The following SPAG16 variants were observed in gnomAD, a reference collection of about 807,000 sequenced individuals.
SPAG16 encodes the protein sperm-associated antigen 16 protein.
A neutral mutation model predicts 80.4 loss-of-function variants in SPAG16; 86 were observed. That is an observed-to-expected ratio of 1.07 (90% CI 0.90 to 1.28). The LOEUF is 1.28. Ranked by LOEUF, SPAG16 falls within the 50% of genes most tolerant of loss-of-function variation. The pLI is 0.00. For synonymous variants in SPAG16, 294 were observed against 265.9 expected (o/e 1.11, Z -1.03); for missense variants, 870 against 765.3 (o/e 1.14, Z -1.61).
intron 9 of SPAG16, chr2:213,422,556 A>T (rs574543870): frequency 6.4e-5 from 28 of 434,138 alleles, no homozygotes; most frequent in African/African-American, 3.8e-4. Flanking sequence ...AGCAGGCCCA[A>T]GCAAAACTTG....
chr2:214,191,546 C>G (rs1576459612), intron 15 of SPAG16, among the ~76,000 whole-genome samples: 1 of 151,044 alleles, frequency 6.6e-6, no homozygotes, highest in African/African-American at 2.4e-5. Context: ...AAGCCCATCT[C>G]CACTAAAAAT....
chr2:214,073,712 G>A (rs755428837), intron 13 of SPAG16, among the ~76,000 whole-genome samples: 22 of 152,028 alleles, frequency 1.4e-4, no homozygotes, highest in Non-Finnish European at 2.8e-4. Context: ...AATTCTTATG[G>A]CAATACAAAG....
chr2:213,775,797 A>G (rs1475105333), intron 10 of SPAG16, among the ~76,000 whole-genome samples: 2 of 152,204 alleles, frequency 1.3e-5, no homozygotes, highest in African/African-American at 4.8e-5. Context: ...AGGTCTTTTC[A>G]TAATTATCCT....
chr2:213,632,974 T>C (rs994072755), intron 10 of SPAG16, among the ~76,000 whole-genome samples: 4 of 152,214 alleles, frequency 2.6e-5, no homozygotes, highest in Non-Finnish European at 4.4e-5. Context: ...ATCAGGCTAA[T>C]ACTGGCCTTG....
intron 11 of SPAG16, among the ~76,000 whole-genome samples, chr2:213,913,773 C>A (rs2077816705): frequency 6.6e-6 from 1 of 152,034 alleles, no homozygotes; most frequent in Non-Finnish European, 1.5e-5. Flanking sequence ...CTCTCTTTGG[C>A]TCACATGATT....
chr2:214,131,637 T>A (rs1005444814), intron 14 of SPAG16, among the ~76,000 whole-genome samples: 19 of 143,494 alleles, frequency 1.3e-4, no homozygotes, highest in Admixed American at 2.8e-4. Context: ...AAAAAAAAAA[T>A]GAACTATTAA....
chr2:213,476,693 C>G (rs1055052410), intron 9 of SPAG16, among the ~76,000 whole-genome samples: 1 of 152,122 alleles, frequency 6.6e-6, no homozygotes, highest in Non-Finnish European at 1.5e-5. Flanking sequence ...AGGAGTGGCA[C>G]CCAGTGGCTT....
rs560958355 is a variant in SPAG16 at position 213,801,770 on chromosome 2, G to T, written c.1071-60715G>T. ...TATGGTCATAAGCCACTGAATTTAC[G>T]TGTCAATATGAGAAGGGATGAAAGT... On this transcript the variant is annotated intron_variant, in intron 10 of 15. Coordinates refer to ENST00000331683, the MANE Select transcript of SPAG16 (RefSeq NM_024532.5). Among the ~76,000 whole-genome samples, 7 of 152,258 alleles carry T rather than the reference G, an allele frequency of 4.6e-5. No individual in the cohort carries two copies. In the East Asian group the frequency reaches 1.2e-3, roughly 25 times the overall value.
chr2:214,017,151 G>C (rs554049443), intron 13 of SPAG16, among the ~76,000 whole-genome samples: 1 of 152,098 alleles, frequency 6.6e-6, no homozygotes, highest in African/African-American at 2.4e-5. Context: ...CAGAAGTCAA[G>C]GGGGCATTGT....
chr2:214,341,840 C>A (rs1213916123), intron 15 of SPAG16, among the ~76,000 whole-genome samples: 1 of 152,150 alleles, frequency 6.6e-6, no homozygotes, highest in East Asian at 1.9e-4. Context: ...ACAACTGACT[C>A]ATTCCAGGAT....
Position 213,976,107 on chromosome 2 carries a change from G to GATATATAT in SPAG16, c.1401-37843_1401-37842insTATATATA, listed in dbSNP as rs1491193427. Among the ~76,000 whole-genome samples, 116 of 86,244 alleles carry GATATATAT rather than the reference G, an allele frequency of 1.3e-3. 2 individuals carry two copies. The highest frequency in any genetic ancestry group is 6.1e-3 in the African/African-American group (113 of 18,468). The allele number at this position is 86,244 out of a possible 152,430, so 56.6% of individuals were successfully genotyped here. A position where few individuals can be genotyped will look rare whatever the true frequency, so the allele number is the denominator to read the frequency against. ...GAGTGAGTGATCTAAGACAGTGAGG[G>GATATATAT]AGATATATATATATATATATATATA... On this transcript the variant is annotated intron_variant, in intron 12 of 15. Coordinates refer to ENST00000331683, the MANE Select transcript of SPAG16 (RefSeq NM_024532.5).
intron 14 of SPAG16, among the ~76,000 whole-genome samples, chr2:214,140,340 A>C (rs2055286199): frequency 6.6e-6 from 1 of 151,928 alleles, no homozygotes; most frequent in African/African-American, 2.4e-5. Context: ...CATCGTCATA[A>C]AATGTGGCCT....
At chr2:213,389,322 T>C (rs567168258) in intron 9 of SPAG16, among the ~76,000 whole-genome samples, 1 of 151,962 alleles carries the variant, frequency 6.6e-6, no homozygotes, top group Admixed American at 6.5e-5. Context: ...CAGAAGAAAA[T>C]ATAGGACAAA....
intron 13 of SPAG16, among the ~76,000 whole-genome samples, chr2:214,017,173 A>G (rs1466140038): frequency 6.6e-6 from 1 of 152,148 alleles, no homozygotes; most frequent in East Asian, 1.9e-4. Flanking sequence ...GAAAGAGTGC[A>G]TCAGGCGTGA....
At chr2:213,353,302 C>T (rs1391257377) in intron 7 of SPAG16, among the ~76,000 whole-genome samples, 2 of 152,196 alleles carry the variant, frequency 1.3e-5, no homozygotes, top group East Asian at 1.9e-4. Flanking sequence ...TGCTCCAGTA[C>T]ATCAAATATT....
intron 9 of SPAG16, among the ~76,000 whole-genome samples, chr2:213,382,138 CAA>C (rs900105241): frequency 3.3e-5 from 5 of 151,992 alleles, no homozygotes; most frequent in South Asian, 4.1e-4. Context: ...GACATTGAAA[CAA>C]GAGTGGAAGT....
chr2:214,347,795 A>G (rs1229191288), intron 15 of SPAG16, among the ~76,000 whole-genome samples: 1 of 152,202 alleles, frequency 6.6e-6, no homozygotes, highest in Non-Finnish European at 1.5e-5. Context: ...TAGACAGTAC[A>G]AAATGAAAAG....
chr2:214,271,381 T>A (rs1414977892), intron 15 of SPAG16, among the ~76,000 whole-genome samples: 1 of 152,216 alleles, frequency 6.6e-6, no homozygotes, highest in East Asian at 1.9e-4. Flanking sequence ...TTCATATCTA[T>A]ATCCATTTTA....
At chr2:214,248,286 TATATTATTATTATTA>T (rs1180865422) in intron 15 of SPAG16, among the ~76,000 whole-genome samples, 1 of 128,084 alleles carries the variant, frequency 7.8e-6, no homozygotes, top group Non-Finnish European at 1.6e-5. Flanking sequence ...GTACTATTCT[TATATTATTATTATTA>T]TTATTATTAT....
Sources: gnomAD v4.1 joint callset for allele counts (sites outside exome capture counted in the v4.1 genomes callset) on GRCh38, gnomAD v4.1.1 for gene constraint, MANE v1.5 for transcripts, NCBI Gene and HGNC (gene_info 2026-07-23, HGNC 2026-07-21) for gene names.